MACF1: variants seen among roughly 807,000 people sequenced by gnomAD.
The protein encoded by MACF1 is microtubule actin crosslinking factor 1, also known as microtubule-actin cross-linking factor 1.
Under a neutral mutation model 854.8 loss-of-function variants are expected in MACF1, and 193 were observed. The observed-to-expected ratio is 0.23, with a 90% confidence interval of 0.20 to 0.25. The LOEUF (loss-of-function observed/expected upper bound fraction) is 0.25, where lower values mean the gene tolerates loss of function less well. Among genes scored for constraint, MACF1 ranks in the 10% least tolerant of loss-of-function variants. MACF1 has a pLI of 1.00. For synonymous variants in MACF1, 3,185 were observed against 3,226.7 expected, an observed-to-expected ratio of 0.99 and a Z score of 0.44; for missense variants, 7,722 against 8,929.1, an observed-to-expected ratio of 0.86 and a Z score of 5.45.
At chr1:39,221,842 C>G (rs1177386182) in intron 1 of MACF1, among the ~76,000 whole-genome samples, 1 of 152,168 alleles carries the variant, frequency 6.6e-6, no homozygotes, top group African/African-American at 2.4e-5. Flanking sequence ...TAGTGTCTTT[C>G]TGGTATAATG....
Position 39,351,022 on chromosome 1 carries a change from A to C in MACF1, c.11199+4A>C. On this transcript the variant is annotated splice_donor_region_variant and intron_variant, in intron 43 of 100. Transcript: ENST00000564288. ...CTTACAGCAGGAGACTGAAAAGGTA[A>C]TAGACTGCTATGACGCTTGATATTT... 3.1e-6 allele frequency: 5 copies of C among 1,606,366 alleles called. No individual in the cohort carries two copies. Among genetic ancestry groups the C allele is most frequent in the Non-Finnish European group, 4.3e-6 (5 of 1,174,090 alleles).
At chr1:39,142,376 A>G (rs866221294) in intron 2 of MACF1, among the ~76,000 whole-genome samples, 1 of 152,178 alleles carries the variant, frequency 6.6e-6, no homozygotes, top group Non-Finnish European at 1.5e-5. Flanking sequence ...AAAATCCTGG[A>G]TGGATGGAGT....
chr1:39,329,834 C>T (rs556957256), intron 36 of MACF1, among the ~76,000 whole-genome samples: 6 of 152,220 alleles, frequency 3.9e-5, no homozygotes, highest in Admixed American at 1.3e-4. Context: ...ATTTTGACAG[C>T]GTATATGCCT....
intron 58 of MACF1, among the ~76,000 whole-genome samples, chr1:39,419,877 A>G (rs1017738776): frequency 2.0e-5 from 3 of 150,930 alleles, no homozygotes; most frequent in African/African-American, 7.3e-5. Context: ...CCTGTTGCCC[A>G]GGCTGGTCTC....
chr1:39,120,919 G>T (rs1158801248), intron 2 of MACF1: 2 of 152,310 alleles, frequency 1.3e-5, no homozygotes, highest in African/African-American at 2.4e-5. Context: ...CAAATAGTAG[G>T]TCTTATTCTA....
intron 2 of MACF1, among the ~76,000 whole-genome samples, chr1:39,168,167 G>T (rs549093648): frequency 6.6e-6 from 1 of 152,160 alleles, no homozygotes; most frequent in Non-Finnish European, 1.5e-5. Flanking sequence ...GAGATCTCTT[G>T]TCTACTCTCC....
Position 39,385,478 on chromosome 1 carries a change from A to G in MACF1, c.13893A>G (p.Gln4631=). The G allele has an allele frequency of 6.2e-7, 1 of 1,614,190 alleles. No individual in the cohort carries two copies. The highest frequency in any genetic ancestry group is 8.5e-7 in the Non-Finnish European group (1 of 1,180,030). ...EFEARRQQHE[Q]LNEAAQGILT... ...AAGCACGCAGGCAACAGCATGAGCAACTGAATGAGGCAGCTCAGGGCATCC... is the reference window on the plus strand; with the variant it reads ...AAGCACGCAGGCAACAGCATGAGCAGCTGAATGAGGCAGCTCAGGGCATCC... Residue 4631 remains glutamine (Q), a synonymous_variant, in exon 57 of 101, where the codon CAA becomes CAG. Coordinates refer to ENST00000564288, the MANE Select transcript of MACF1 (RefSeq NM_001394062.1).
At chr1:39,115,641 A>G (rs1395891143) in intron 2 of MACF1, among the ~76,000 whole-genome samples, 1 of 152,108 alleles carries the variant, frequency 6.6e-6, no homozygotes, top group African/African-American at 2.4e-5. Context: ...GGAGAGTGAT[A>G]GGTGAGAGGG....
intron 25 of MACF1, 45 bp from the exon 26 acceptor site, chr1:39,310,786 C>T: frequency 6.5e-7 from 1 of 1,545,840 alleles, no homozygotes; most frequent in African/African-American, 1.4e-5. Context: ...GTCTGCTTAT[C>T]TCTGATGTCG....
chr1:39,268,714 G>C (rs757007798), intron 6 of MACF1: 2 of 1,281,396 alleles, frequency 1.6e-6, no homozygotes, highest in Non-Finnish European at 2.0e-6. Context: ...AATTCACTGG[G>C]CTGTTTTAAG....
chr1:39,324,765 C>T (rs761215256), intron 35 of MACF1, 31 bp downstream of exon 35: 69 of 1,472,790 alleles, frequency 4.7e-5, no homozygotes, highest in Non-Finnish European at 6.3e-5. Context: ...TATGGCACAT[C>T]TGGGGCACCT....
In MACF1 at chr1:39,460,808, T is replaced by C; in HGVS notation, c.21523+14T>C. 1 of 1,613,764 alleles carries C rather than the reference T, an allele frequency of 6.2e-7. No homozygotes were observed. Among genetic ancestry groups the C allele is most frequent in the Non-Finnish European group, 8.5e-7 (1 of 1,179,680 alleles). On this transcript the variant is annotated intron_variant, in intron 92 of 100. Coordinates refer to ENST00000564288, the MANE Select transcript of MACF1 (RefSeq NM_001394062.1). This position sits in a 1 kb window ranked among gnomAD's most constrained non-coding sequence, Gnocchi z 4.1. ...TTTTAGCATCCAGTGAGTCTAGTCA[T>C]CATTCCAAACATGGGTCACACCTGG...
chr1:39,306,721 G>C (rs926901135), intron 23 of MACF1, among the ~76,000 whole-genome samples: 1 of 148,318 alleles, frequency 6.7e-6, no homozygotes, highest in Non-Finnish European at 1.5e-5. Context: ...TTATTTATTA[G>C]TGTACTCCCT....
At chr1:39,426,767 TG>T (rs1643741718) in intron 61 of MACF1, among the ~76,000 whole-genome samples, 1 of 150,810 alleles carries the variant, frequency 6.6e-6, no homozygotes, top group Non-Finnish European at 1.5e-5. Context: ...TTTTTTTGTT[TG>T]GTTTTTTTTT....
At chr1:39,437,100 G>A (rs1643996113) in intron 70 of MACF1, among the ~76,000 whole-genome samples, 2 of 152,082 alleles carry the variant, frequency 1.3e-5, no homozygotes, top group Non-Finnish European at 2.9e-5. Context: ...CATCTCAGAT[G>A]TTGACATACT....
rs1553458204 is a variant in MACF1 at position 39,477,135 on chromosome 1, TAC to T, written c.21959-2645_21959-2644del. On this transcript the variant is annotated intron_variant, in intron 97 of 100. Transcript: ENST00000564288. ...CACTTAGTGTATATATATATATATATACACACACACACACACACAGATGTGCA... is the reference window on the plus strand; with the variant it reads ...CACTTAGTGTATATATATATATATATACACACACACACACACAGATGTGCA... Among the ~76,000 whole-genome samples, 4 of 103,364 alleles carry T rather than the reference TAC, an allele frequency of 3.9e-5. 1 individual carries two copies. Among genetic ancestry groups the T allele is most frequent in the African/African-American group, 1.2e-4 (3 of 25,736 alleles). The allele number at this position is 103,364 out of a possible 152,430, so 67.8% of individuals were successfully genotyped here.
intron 2 of MACF1, among the ~76,000 whole-genome samples, chr1:39,136,557 C>T (rs1472835505): frequency 4.6e-5 from 7 of 152,156 alleles, no homozygotes; most frequent in Non-Finnish European, 1.0e-4. Context: ...TGCTCATGGA[C>T]ATAGAGACAC....
Position 39,295,770 on chromosome 1 carries a change from G to A in MACF1, c.2260-17G>A, listed in dbSNP as rs1279456164. 5.6e-6 allele frequency: 9 copies of A among 1,602,282 alleles called. No homozygotes were observed. The highest frequency in any genetic ancestry group is 6.0e-6 in the Non-Finnish European group (7 of 1,171,452). ...GTTAAACTCAAGCCCTTCTGTCTGTGTGCTTGTTTATTGCAGGCTTACAGT... is the reference window on the plus strand; with the variant it reads ...GTTAAACTCAAGCCCTTCTGTCTGTATGCTTGTTTATTGCAGGCTTACAGT... On this transcript the variant is annotated splice_polypyrimidine_tract_variant and intron_variant, in intron 19 of 100. Coordinates refer to ENST00000564288, the MANE Select transcript of MACF1 (RefSeq NM_001394062.1).
At position 39,460,731 on chromosome 1, in the gene MACF1, A is replaced by C; in HGVS notation, c.21460A>C (p.Ile7154Leu). 6.2e-7 allele frequency: 1 copy of C among 1,614,266 alleles called. No individual in the cohort carries two copies. The highest frequency in any genetic ancestry group is 8.5e-7 in the Non-Finnish European group (1 of 1,180,034). Residue 7154 changes from isoleucine to leucine, a missense_variant, in exon 92 of 101, where the codon ATT becomes CTT. Coordinates refer to ENST00000564288, the MANE Select transcript of MACF1 (RefSeq NM_001394062.1). The surrounding 1 kb of genome is among the most constrained non-coding windows in gnomAD (Gnocchi z 4.1). ...KSRVMDFFRR[I>L]DKDQDGKITR... ...TCGAGTGATGGATTTCTTCCGGCGC[A>C]TTGATAAGGACCAGGATGGGAAGAT...
Sources: allele counts gnomAD v4.1 joint callset (sites outside exome capture counted in the v4.1 genomes callset), GRCh38; gene constraint gnomAD v4.1.1; non-coding constraint Gnocchi (gnomAD v3.1); transcripts MANE v1.5; gene names NCBI Gene and HGNC (gene_info 2026-07-23, HGNC 2026-07-21).